Variants in KCNJ6 observed in about 807,000 individuals in gnomAD.
The protein encoded by KCNJ6 is potassium inwardly rectifying channel subfamily J member 6.
Under a neutral mutation model 34.2 loss-of-function variants are expected in KCNJ6, and 9 were observed. That is an observed-to-expected ratio of 0.26 (90% CI 0.16 to 0.46). The LOEUF (loss-of-function observed/expected upper bound fraction) is 0.46. Among genes scored for constraint, KCNJ6 ranks in the 20% least tolerant of loss-of-function variants. KCNJ6 has a pLI of 1.00. For synonymous variants in KCNJ6, 196 were observed against 207.1 expected, an observed-to-expected ratio of 0.95 and a Z score of 0.46; for missense variants, 236 against 531.3, an observed-to-expected ratio of 0.44 and a Z score of 5.46.
At chr21:37,907,375 T>C (rs970640) in intron 1 of KCNJ6, among the ~76,000 whole-genome samples, 19,834 of 152,062 alleles carry the variant, frequency 0.13, 1,725 homozygotes, top group East Asian at 0.27. Flanking sequence ...GCTCCCTCAG[T>C]CATAAAGCAA....
chr21:37,814,699 C>T (rs1196410485), intron 2 of KCNJ6, among the ~76,000 whole-genome samples: 1 of 152,058 alleles, frequency 6.6e-6, no homozygotes, highest in Admixed American at 6.6e-5. Flanking sequence ...GAGATCGAGG[C>T]CATCCTGGCT....
At chr21:37,659,301 G>A (rs1441498028) in intron 3 of KCNJ6, among the ~76,000 whole-genome samples, 1 of 152,192 alleles carries the variant, frequency 6.6e-6, no homozygotes, top group East Asian at 1.9e-4. Flanking sequence ...ATAAGTCATG[G>A]ACATGCACCA....
intron 3 of KCNJ6, among the ~76,000 whole-genome samples, chr21:37,661,400 G>A (rs2054487379): frequency 6.6e-6 from 1 of 152,026 alleles, no homozygotes; most frequent in Non-Finnish European, 1.5e-5. Context: ...TGACTCCAAA[G>A]GGGTTCATAG....
intron 2 of KCNJ6, among the ~76,000 whole-genome samples, chr21:37,818,350 C>T (rs2055357750): frequency 6.6e-6 from 1 of 151,986 alleles, no homozygotes; most frequent in Non-Finnish European, 1.5e-5. Context: ...GCTTCTGCAG[C>T]GTCTAATACA....
At chr21:37,780,961 A>G (rs7283399) in intron 2 of KCNJ6, among the ~76,000 whole-genome samples, 84,884 of 152,148 alleles carry the variant, frequency 0.56, 24,344 homozygotes, top group East Asian at 0.67. Context: ...AATAACAAAC[A>G]TGGCCTATTT....
chr21:37,739,915 A>AAC (rs1303713924), intron 2 of KCNJ6, among the ~76,000 whole-genome samples: 1 of 150,824 alleles, frequency 6.6e-6, no homozygotes, highest in East Asian at 1.9e-4. Context: ...TTAGGTTTGA[A>AAC]AAAAAAAAAG....
intron 1 of KCNJ6, among the ~76,000 whole-genome samples, chr21:37,844,177 G>C (rs2055494977): frequency 6.6e-6 from 1 of 151,504 alleles, no homozygotes; most frequent in Non-Finnish European, 1.5e-5. Context: ...TCCTGCCTTA[G>C]CCTCCCAAGC....
At chr21:37,759,344 C>T (rs1036851295) in intron 2 of KCNJ6, among the ~76,000 whole-genome samples, 7 of 152,180 alleles carry the variant, frequency 4.6e-5, no homozygotes, top group East Asian at 1.9e-4. Flanking sequence ...CTGCACTGAA[C>T]GGCAGAATGT....
intron 2 of KCNJ6, among the ~76,000 whole-genome samples, chr21:37,774,784 A>G (rs2055134253): frequency 6.6e-6 from 1 of 152,108 alleles, no homozygotes; most frequent in South Asian, 2.1e-4. Flanking sequence ...AGTCTTTGCT[A>G]TTGTGAATAG....
At chr21:37,760,425 C>G (rs1160126293) in intron 2 of KCNJ6, among the ~76,000 whole-genome samples, 1 of 152,206 alleles carries the variant, frequency 6.6e-6, no homozygotes, top group Non-Finnish European at 1.5e-5. Flanking sequence ...GTACTACAAC[C>G]TCCCTCCAAA....
intron 2 of KCNJ6, among the ~76,000 whole-genome samples, chr21:37,728,339 C>T (rs1188800734): frequency 3.3e-5 from 5 of 152,158 alleles, no homozygotes; most frequent in Non-Finnish European, 7.4e-5. Flanking sequence ...GGGACAGTTT[C>T]TGTTTGGGAA....
chr21:37,834,122 GC>G (rs1332377654), intron 2 of KCNJ6, among the ~76,000 whole-genome samples: 1 of 152,136 alleles, frequency 6.6e-6, no homozygotes, highest in Admixed American at 6.5e-5. Flanking sequence ...ATCCGTGTAT[GC>G]CCAACCTGCA....
In KCNJ6 at chr21:37,730,619, T is replaced by C. The variant is rs905879528; in HGVS notation, c.26-15488A>G. On this transcript the variant is annotated intron_variant, in intron 2 of 3. Coordinates refer to ENST00000609713, the MANE Select transcript of KCNJ6 (RefSeq NM_002240.5). ...AAGCTCAACATTGTCCTGGAAACTG[T>C]GGGAAATCCAGAAATAATCTAAGAA... 6.6e-4 allele frequency among the ~76,000 whole-genome samples: 100 copies of C among 152,298 alleles called. 2 individuals are homozygous for C. Among genetic ancestry groups the C allele is most frequent in the African/African-American group, 2.4e-3 (98 of 41,552 alleles).
At chr21:37,764,375 G>C (rs1365699410) in intron 2 of KCNJ6, among the ~76,000 whole-genome samples, 1 of 138,266 alleles carries the variant, frequency 7.2e-6, no homozygotes, top group Non-Finnish European at 1.5e-5. Context: ...AAAATTTGAA[G>C]ATATTTACTT....
chr21:37,843,037 C>T (rs1212336914), intron 1 of KCNJ6, among the ~76,000 whole-genome samples: 1 of 152,148 alleles, frequency 6.6e-6, no homozygotes, highest in Non-Finnish European at 1.5e-5. Flanking sequence ...TTCAGCTTGA[C>T]CCTCCTCTGA....
In KCNJ6 at chr21:37,617,168, TTTTCCTTCCTTC is replaced by T. The variant is rs1276022959; in HGVS notation, c.*7979_*7990del. ...CCTTCCTTCCTTCTTTCTTTATCTTTTTTCCTTCCTTCCTTCCTTCCTTCCTTCCTTCCTTCC... is the reference window on the plus strand; with the variant it reads ...CCTTCCTTCCTTCTTTCTTTATCTTTCTTCCTTCCTTCCTTCCTTCCTTCC... On this transcript the variant is annotated 3_prime_UTR_variant, in exon 4 of 4. Coordinates refer to ENST00000609713, the MANE Select transcript of KCNJ6 (RefSeq NM_002240.5). The T allele has an allele frequency of 3.1e-3, 277 of 89,968 alleles. No homozygotes were observed. The highest frequency in any genetic ancestry group is 0.01 in the African/African-American group (247 of 24,202). 5.6% of individuals were successfully genotyped at this position (89,968 alleles called of 1,614,324 possible).
At chr21:37,699,122 CTA>C in intron 3 of KCNJ6, among the ~76,000 whole-genome samples, 1 of 152,206 alleles carries the variant, frequency 6.6e-6, no homozygotes, top group East Asian at 1.9e-4. Flanking sequence ...GTGACGGAGA[CTA>C]TCCACAAACC....
At chr21:37,830,187 A>C (rs528352884) in intron 2 of KCNJ6, among the ~76,000 whole-genome samples, 1 of 152,280 alleles carries the variant, frequency 6.6e-6, no homozygotes, top group Admixed American at 6.5e-5. Flanking sequence ...TTGTCTCCAC[A>C]GTCAGGTGGC....
intron 2 of KCNJ6, among the ~76,000 whole-genome samples, chr21:37,761,857 G>A (rs1187735271): frequency 1.3e-5 from 2 of 152,088 alleles, no homozygotes; most frequent in African/African-American, 4.8e-5. Flanking sequence ...TGCGGTGCAT[G>A]TTCATGCACT....
Sources: gnomAD v4.1 joint callset for allele counts (sites outside exome capture counted in the v4.1 genomes callset) on GRCh38, gnomAD v4.1.1 for gene constraint, MANE v1.5 for transcripts, NCBI Gene and HGNC (gene_info 2026-07-23, HGNC 2026-07-21) for gene names.